The following CELF2 variants were observed in gnomAD, a reference collection of about 807,000 sequenced individuals.
CELF2 encodes CUG triplet repeat RNA-binding protein 2.
Under a neutral mutation model 62.6 loss-of-function variants are expected in CELF2, and 8 were observed. That is an observed-to-expected ratio of 0.13 (90% CI 0.07 to 0.23). The LOEUF is 0.23. Among genes scored for constraint, CELF2 ranks in the 10% least tolerant of loss-of-function variants. The probability of loss-of-function intolerance (pLI) is 1.00; values close to 1 mark genes in which losing one functional copy is unlikely to be tolerated. For synonymous variants in CELF2, 258 were observed against 250.0 expected, an observed-to-expected ratio of 1.03 and a Z score of -0.30; for missense variants, 333 against 671.0, an observed-to-expected ratio of 0.50 and a Z score of 5.56.
chr10:10,735,969 A>C, the CELF2 span, among the ~76,000 whole-genome samples: 1 of 152,198 alleles, frequency 6.6e-6, no homozygotes, highest in African/African-American at 2.4e-5. Context: ...ATGCTCAATG[A>C]ATCACCCTGC....
chr10:10,676,255 C>T, the CELF2 span, among the ~76,000 whole-genome samples: 1 of 152,142 alleles, frequency 6.6e-6, no homozygotes, highest in African/African-American at 2.4e-5. Context: ...TTTTCCTTCT[C>T]CCACCAGAAT....
At position 11,220,468 on chromosome 10, in the gene CELF2, T is replaced by C. The variant is rs897737208; in HGVS notation, c.354+2961T>C. 6.6e-6 allele frequency among the ~76,000 whole-genome samples: 1 copy of C among 152,192 alleles called. No individual in the cohort carries two copies. Among genetic ancestry groups the C allele is most frequent in the African/African-American group, 2.4e-5 (1 of 41,434 alleles). ...AGATTTTGATTTAAAGGCACCCTCC[T>C]TTACATGTCAGGAATGAATTTTAGA... On this transcript the variant is annotated intron_variant, in intron 3 of 12. Coordinates refer to ENST00000633077, the MANE Select transcript of CELF2 (RefSeq NM_001326342.2). The surrounding 1 kb of genome is among the most constrained non-coding windows in gnomAD (Gnocchi z 4.4).
intron 1 of CELF2, among the ~76,000 whole-genome samples, chr10:11,084,015 G>A (rs768675296): frequency 1.3e-5 from 2 of 152,186 alleles, no homozygotes; most frequent in Non-Finnish European, 2.9e-5. Flanking sequence ...AAGGGTCACA[G>A]CCATTACCAG....
chr10:11,304,522 T>C (rs949024726), intron 9 of CELF2, among the ~76,000 whole-genome samples: 1 of 152,214 alleles, frequency 6.6e-6, no homozygotes, highest in African/African-American at 2.4e-5. Context: ...TTCTTGCTGG[T>C]GGGGACTCTG....
intron 7 of CELF2, among the ~76,000 whole-genome samples, chr10:11,274,470 A>G (rs2085200690): frequency 6.6e-6 from 1 of 152,224 alleles, no homozygotes; most frequent in South Asian, 2.1e-4. Context: ...ATAGCACCAG[A>G]TAGTTGTGAG....
chr10:11,131,573 A>G (rs1018106029), intron 1 of CELF2, among the ~76,000 whole-genome samples: 34 of 152,322 alleles, frequency 2.2e-4, no homozygotes, highest in African/African-American at 4.6e-4. Flanking sequence ...TTTCACATCT[A>G]TCAATCACGG....
At chr10:10,919,221 G>A (rs1407491117) in intron 1 of CELF2, among the ~76,000 whole-genome samples, 1 of 151,822 alleles carries the variant, frequency 6.6e-6, no homozygotes, top group Non-Finnish European at 1.5e-5. Context: ...AGTGAGCTGA[G>A]ATCACGCCAG....
At chr10:10,852,490 A>C (rs887767070) in intron 1 of CELF2, among the ~76,000 whole-genome samples, 2 of 152,220 alleles carry the variant, frequency 1.3e-5, no homozygotes, top group African/African-American at 4.8e-5. Context: ...GGACAGCATG[A>C]GGAATGCTTG....
At chr10:10,553,074 T>C in the CELF2 span, among the ~76,000 whole-genome samples, 1 of 152,138 alleles carries the variant, frequency 6.6e-6, no homozygotes, top group Non-Finnish European at 1.5e-5. Flanking sequence ...GGGTAATTTA[T>C]AAGGAAAGAG....
intron 1 of CELF2, among the ~76,000 whole-genome samples, chr10:10,907,917 G>A (rs902338804): frequency 8.5e-5 from 13 of 152,098 alleles, no homozygotes; most frequent in African/African-American, 3.1e-4. Flanking sequence ...AAATTTGAAG[G>A]ATCTAAAATA....
intron 3 of CELF2, among the ~76,000 whole-genome samples, chr10:11,237,000 G>C (rs371717866): frequency 6.6e-6 from 1 of 152,162 alleles, no homozygotes; most frequent in African/African-American, 2.4e-5. Context: ...TAATTTGGTA[G>C]ATAAGTCAAA....
the CELF2 span, among the ~76,000 whole-genome samples, chr10:10,492,745 C>T: frequency 6.6e-6 from 1 of 152,146 alleles, no homozygotes; most frequent in Non-Finnish European, 1.5e-5. Context: ...GGCTGTGTCC[C>T]CACCCAAATT....
intron 1 of CELF2, among the ~76,000 whole-genome samples, chr10:10,829,217 T>C (rs2057652896): frequency 6.6e-6 from 1 of 152,216 alleles, no homozygotes; most frequent in African/African-American, 2.4e-5. Context: ...TCTTCTCCGC[T>C]TTTGATCCCT....
intron 2 of CELF2, among the ~76,000 whole-genome samples, chr10:10,965,223 A>G (rs1039057375): frequency 6.6e-6 from 1 of 152,106 alleles, no homozygotes; most frequent in African/African-American, 2.4e-5. Flanking sequence ...ATCCTATGGT[A>G]TGGTTTGACA....
At chr10:11,026,721 TC>T (rs1239180773) in intron 1 of CELF2, among the ~76,000 whole-genome samples, 1 of 152,196 alleles carries the variant, frequency 6.6e-6, no homozygotes, top group Non-Finnish European at 1.5e-5. Flanking sequence ...GCCCGTTTTA[TC>T]CTTTTCCTGA....
chr10:10,673,183 G>C, the CELF2 span, among the ~76,000 whole-genome samples: 1 of 152,036 alleles, frequency 6.6e-6, no homozygotes, highest in Admixed American at 6.5e-5. Flanking sequence ...TTGGGGTTCT[G>C]TTTTTGTTAA....
At chr10:10,639,815 A>G in the CELF2 span, among the ~76,000 whole-genome samples, 1 of 152,124 alleles carries the variant, frequency 6.6e-6, no homozygotes, top group Non-Finnish European at 1.5e-5. Flanking sequence ...TTACCAAGCA[A>G]ACAAGACTCA....
chr10:11,242,471 G>A lies in CELF2; in HGVS notation c.355-6682G>A, dbSNP rs530488827. On this transcript the variant is annotated intron_variant, in intron 3 of 12. Coordinates refer to ENST00000633077, the MANE Select transcript of CELF2 (RefSeq NM_001326342.2). This position sits in a 1 kb window ranked among gnomAD's most constrained non-coding sequence, Gnocchi z 4.8. ...GGCAGAGGGCTTCAGAGAGCCCCAC[G>A]AGGTTGTGTCCATAGTGGCGACTCT... is the stretch of plus-strand genomic sequence containing the variant. Among the ~76,000 whole-genome samples the A allele has an allele frequency of 2.0e-5, 3 of 152,242 alleles. No homozygotes were observed. In the East Asian group the frequency reaches 5.8e-4, roughly 29 times the overall value.
rs1399088905 is a variant in CELF2, at chr10:11,217,063, A to C, written c.272-362A>C. On this transcript the variant is annotated intron_variant, in intron 2 of 12. Transcript: ENST00000633077. This position sits in a 1 kb window ranked among gnomAD's most constrained non-coding sequence, Gnocchi z 5.6. ...CTTTAAGAAAATTATAATTAATGTA[A>C]GCTTGTGCTGTTGTTATTGTGATTA... 6.6e-6 allele frequency among the ~76,000 whole-genome samples: 1 copy of C among 152,218 alleles called. No homozygotes were observed. The highest frequency in any genetic ancestry group is 1.5e-5 in the Non-Finnish European group (1 of 68,040).
Sources: gnomAD v4.1 joint callset for allele counts (sites outside exome capture counted in the v4.1 genomes callset) on GRCh38, gnomAD v4.1.1 for gene constraint, Gnocchi (gnomAD v3.1) non-coding constraint, MANE v1.5 for transcripts, NCBI Gene and HGNC (gene_info 2026-07-23, HGNC 2026-07-21) for gene names.